NRG1: variants seen among roughly 807,000 people sequenced by gnomAD.
NRG1 encodes the protein pro-neuregulin-1, membrane-bound isoform.
NRG1 carries 18 observed loss-of-function variants against 63.8 expected under a neutral mutation model. The ratio of observed to expected loss-of-function variants is 0.28; its 90% CI spans 0.19 to 0.42. The LOEUF is 0.42. Among genes scored for constraint, NRG1 ranks in the 10% least tolerant of loss-of-function variants. The pLI is 1.00. For synonymous variants in NRG1, 302 were observed against 301.3 expected (o/e 1.00, Z -0.02); for missense variants, 762 against 814.7 (o/e 0.94, Z 0.79).
intron 1 of NRG1, among the ~76,000 whole-genome samples, chr8:32,322,355 TTATATA>T (rs149742517): frequency 2.1e-5 from 3 of 142,656 alleles, no homozygotes. Flanking sequence ...CAACCTTATT[TTATATA>T]TATATATATA....
intron 1 of NRG1, among the ~76,000 whole-genome samples, chr8:32,452,280 C>T (rs1563483534): frequency 6.6e-6 from 1 of 152,098 alleles, no homozygotes; most frequent in African/African-American, 2.4e-5. Context: ...GTGGGCTTTG[C>T]TTGGTGCTAC....
At position 32,742,058 on chromosome 8, in the gene NRG1, A is replaced by C; in HGVS notation, c.633-617A>C. ...AGATGTACTGAGAATGTGCCCATGAAAGTCCAAAACCAAGAAAGTATGTCA... is the reference window on the plus strand; with the variant it reads ...AGATGTACTGAGAATGTGCCCATGACAGTCCAAAACCAAGAAAGTATGTCA... On this transcript the variant is annotated intron_variant, in intron 6 of 11. Coordinates refer to ENST00000356819, the Ensembl canonical transcript of NRG1. This position sits in a 1 kb window ranked among gnomAD's most constrained non-coding sequence, Gnocchi z 4.2. The C allele has an allele frequency of 6.2e-7, 1 of 1,613,630 alleles. No homozygotes were observed. Among genetic ancestry groups the C allele is most frequent in the Non-Finnish European group, 8.5e-7 (1 of 1,179,736 alleles).
At chr8:31,975,311 A>G (rs1364664494) in intron 1 of NRG1, among the ~76,000 whole-genome samples, 1 of 152,120 alleles carries the variant, frequency 6.6e-6, no homozygotes, top group Non-Finnish European at 1.5e-5. Context: ...CCCAAGGCTG[A>G]GACCGCTGGC....
At chr8:32,762,383 T>G (rs1830884483) in intron 11 of NRG1, among the ~76,000 whole-genome samples, 1 of 152,308 alleles carries the variant, frequency 6.6e-6, no homozygotes, top group African/African-American at 2.4e-5. Context: ...AGATGATATC[T>G]AGGACTACGA....
At chr8:32,685,665 A>G (rs1000501158) in intron 5 of NRG1, among the ~76,000 whole-genome samples, 2 of 152,224 alleles carry the variant, frequency 1.3e-5, no homozygotes, top group African/African-American at 4.8e-5. Flanking sequence ...AAAAATATCT[A>G]CCAAGAACAC....
intron 1 of NRG1, among the ~76,000 whole-genome samples, chr8:32,163,236 C>A (rs1490358360): frequency 6.6e-6 from 1 of 152,154 alleles, no homozygotes; most frequent in Non-Finnish European, 1.5e-5. Flanking sequence ...TCATTGAATA[C>A]CCTGCATACA....
At chr8:32,247,667 C>A (rs2129470084) in intron 1 of NRG1, among the ~76,000 whole-genome samples, 1 of 152,106 alleles carries the variant, frequency 6.6e-6, no homozygotes, top group South Asian at 2.1e-4. Context: ...GCTACCTTAA[C>A]TAAGGTGACA....
intron 1 of NRG1, among the ~76,000 whole-genome samples, chr8:32,187,061 TCA>T (rs1010580990): frequency 9.2e-5 from 14 of 152,216 alleles, no homozygotes; most frequent in Non-Finnish European, 1.3e-4. Flanking sequence ...TTCAAATTTT[TCA>T]CAGTGTTTTC....
At chr8:32,548,687 G>A (rs1390027532) in exon 1 of NRG1, 5 of 1,552,594 alleles carry the variant, frequency 3.2e-6, no homozygotes, top group East Asian at 2.4e-5. Context: ...ACTCGCCTGC[G>A]CCGAGAGCCG....
chr8:32,379,001 T>C (rs530105642), intron 1 of NRG1, among the ~76,000 whole-genome samples: 6 of 152,322 alleles, frequency 3.9e-5, no homozygotes, highest in African/African-American at 1.4e-4. Flanking sequence ...TGCCACATTT[T>C]CTTAATCCGG....
At chr8:32,411,842 T>G (rs1332869616) in intron 1 of NRG1, among the ~76,000 whole-genome samples, 1 of 152,202 alleles carries the variant, frequency 6.6e-6, no homozygotes, top group African/African-American at 2.4e-5. Context: ...AGCCATCTTA[T>G]TCTAAAAATC....
intron 1 of NRG1, among the ~76,000 whole-genome samples, chr8:32,211,689 G>A (rs375790573): frequency 5.9e-5 from 9 of 152,004 alleles, no homozygotes; most frequent in Non-Finnish European, 1.2e-4. Flanking sequence ...GTTTAACATC[G>A]AAACACGTTA....
chr8:32,611,338 G>C (rs1846325932), intron 3 of NRG1, among the ~76,000 whole-genome samples: 1 of 151,938 alleles, frequency 6.6e-6, no homozygotes, highest in Non-Finnish European at 1.5e-5. Flanking sequence ...CTGGTAATAG[G>C]CTTCGCCTTA....
chr8:31,804,174 A>T (rs1196502729), intron 1 of NRG1, among the ~76,000 whole-genome samples: 1 of 152,192 alleles, frequency 6.6e-6, no homozygotes, highest in African/African-American at 2.4e-5. Flanking sequence ...AGCAATCTGC[A>T]CATAGTAATA....
intron 1 of NRG1, among the ~76,000 whole-genome samples, chr8:32,509,751 A>G (rs753289392): frequency 4.6e-5 from 7 of 152,142 alleles, no homozygotes; most frequent in Non-Finnish European, 8.8e-5. Context: ...AAAGGCAGCT[A>G]TATGTTTGGC....
intron 1 of NRG1, among the ~76,000 whole-genome samples, chr8:31,789,935 G>A (rs77365986): frequency 0.017 from 2,623 of 152,158 alleles, 69 homozygotes; most frequent in African/African-American, 0.058. Flanking sequence ...TCATTTTATG[G>A]CATACTATGA....
At chr8:32,434,155 C>T (rs1338032209) in intron 1 of NRG1, among the ~76,000 whole-genome samples, 5 of 151,374 alleles carry the variant, frequency 3.3e-5, no homozygotes, top group African/African-American at 7.3e-5. Flanking sequence ...CACTGCACCC[C>T]AGCCTGGCGA....
In NRG1 at chr8:32,615,383, G is replaced by C. The variant is rs1029922652; in HGVS notation, c.451+819G>C. Among the ~76,000 whole-genome samples, 97 of 152,026 alleles carry C rather than the reference G, an allele frequency of 6.4e-4. 2 individuals carry two copies. Among genetic ancestry groups the C allele is most frequent in the Non-Finnish European group, 7.4e-5 (5 of 67,970 alleles). ...CAATGGTAATTTGGTTTTGCATGGT[G>C]CCTTTTCTTTTACAAAAATTCTTAA... On this transcript the variant is annotated intron_variant, in intron 4 of 11. Transcript: ENST00000356819.
intron 1 of NRG1, among the ~76,000 whole-genome samples, chr8:31,981,570 A>G (rs1029656640): frequency 2.6e-5 from 4 of 152,060 alleles, no homozygotes; most frequent in African/African-American, 9.7e-5. Flanking sequence ...AGGGATTCCA[A>G]AATGTTATTT....
Sources: gnomAD v4.1 joint callset for allele counts (sites outside exome capture counted in the v4.1 genomes callset) on GRCh38, gnomAD v4.1.1 for gene constraint, Gnocchi (gnomAD v3.1) non-coding constraint, MANE v1.5 for transcripts, NCBI Gene and HGNC (gene_info 2026-07-23, HGNC 2026-07-21) for gene names.